The following CHCHD3 variants were observed in gnomAD, a reference collection of about 807,000 sequenced individuals.
The protein encoded by CHCHD3 is MICOS complex subunit MIC19.
Under a neutral mutation model 38.2 loss-of-function variants are expected in CHCHD3, and 20 were observed. That is an observed-to-expected ratio of 0.52 (90% CI 0.37 to 0.76). The LOEUF is 0.76. Among genes scored for constraint, CHCHD3 ranks in the 30% least tolerant of loss-of-function variants. The pLI is 0.00. For missense variants in CHCHD3, 245 were observed against 279.2 expected, an observed-to-expected ratio of 0.88 and a Z score of 0.87; for synonymous variants, 82 against 100.0, an observed-to-expected ratio of 0.82 and a Z score of 1.07.
chr7:132,793,409 T>G (rs1563236730), intron 7 of CHCHD3, among the ~76,000 whole-genome samples: 1 of 152,238 alleles, frequency 6.6e-6, no homozygotes, highest in East Asian at 1.9e-4. Flanking sequence ...TGGTAGCTTT[T>G]AAGTCTTAGA....
intron 5 of CHCHD3, among the ~76,000 whole-genome samples, chr7:132,873,438 G>A (rs556459211): frequency 2.0e-5 from 3 of 146,422 alleles, no homozygotes; most frequent in South Asian, 2.2e-4. Context: ...TTTTTGAGAC[G>A]GGTCTCGCTG....
intron 6 of CHCHD3, among the ~76,000 whole-genome samples, chr7:132,805,129 T>A (rs1439497923): frequency 1.3e-5 from 2 of 152,264 alleles, no homozygotes; most frequent in East Asian, 3.9e-4. Flanking sequence ...GAGTAAAGGA[T>A]GTGCAGGAAC....
At position 133,035,893 on chromosome 7, in the gene CHCHD3, G is replaced by A. The variant is rs1813660760; in HGVS notation, c.170-11266C>T. 1.2e-6 allele frequency: 2 copies of A among 1,611,328 alleles called. No homozygotes were observed. Among genetic ancestry groups the A allele is most frequent in the Admixed American group, 3.3e-5 (2 of 59,798 alleles). The stretch of plus-strand genomic sequence containing the variant: ...GCCTTGAAGGCCCTCCAGTTTTCAG[G>A]ATACGTGTACAGGGTCCCAGCCGCC... On this transcript the variant is annotated intron_variant, in intron 2 of 7. Transcript: ENST00000262570. This position sits in a 1 kb window ranked among gnomAD's most constrained non-coding sequence, Gnocchi z 4.7.
rs182101497 is a variant in CHCHD3 at position 133,059,204 on chromosome 7, T to C, written c.169+10938A>G. On this transcript the variant is annotated intron_variant, in intron 2 of 7. Transcript: ENST00000262570. Reference sequence around the variant, plus strand: ...ACGAGAAAAGCCACACAGGAGAAGATAGAGTGAAGAAAAGCTCCACTCTCA... The same window carrying C: ...ACGAGAAAAGCCACACAGGAGAAGACAGAGTGAAGAAAAGCTCCACTCTCA... Among the ~76,000 whole-genome samples, 33 of 152,228 alleles carry C rather than the reference T, an allele frequency of 2.2e-4. 2 individuals carry two copies. In the East Asian group the frequency reaches 6.0e-3, roughly 28 times the overall value.
chr7:132,834,693 C>A (rs766507744), intron 6 of CHCHD3, among the ~76,000 whole-genome samples: 6 of 152,242 alleles, frequency 3.9e-5, no homozygotes, highest in Admixed American at 1.3e-4. Context: ...TAGGACTGAG[C>A]CTGGGGGTTT....
chr7:132,872,057 C>T (rs917701112), intron 5 of CHCHD3, among the ~76,000 whole-genome samples: 3 of 152,088 alleles, frequency 2.0e-5, no homozygotes, highest in African/African-American at 4.8e-5. Flanking sequence ...AATCTGCCAT[C>T]GAGGAAGGTT....
intron 3 of CHCHD3, among the ~76,000 whole-genome samples, chr7:132,995,141 T>C (rs1461721230): frequency 6.6e-6 from 1 of 152,344 alleles, no homozygotes; most frequent in East Asian, 1.9e-4. Context: ...AGAGAAAAAA[T>C]GTGAAATTCA....
intron 4 of CHCHD3, among the ~76,000 whole-genome samples, chr7:132,950,105 C>G (rs1245054650): frequency 6.6e-6 from 1 of 152,030 alleles, no homozygotes; most frequent in African/African-American, 2.4e-5. Context: ...AACTATTATT[C>G]AAATAACTGT....
chr7:132,866,737 A>T (rs74555822), intron 5 of CHCHD3, among the ~76,000 whole-genome samples: 7,393 of 152,342 alleles, frequency 0.049, 234 homozygotes, highest in Non-Finnish European at 0.069. Flanking sequence ...CTAACAAAGT[A>T]CAGACCAAAA....
At chr7:132,806,601 G>A (rs1470312521) in intron 6 of CHCHD3, among the ~76,000 whole-genome samples, 1 of 152,108 alleles carries the variant, frequency 6.6e-6, no homozygotes, top group Non-Finnish European at 1.5e-5. Context: ...GGATACAAAG[G>A]CATTCTAGAC....
At chr7:132,930,451 G>T (rs902688246) in intron 4 of CHCHD3, among the ~76,000 whole-genome samples, 1 of 152,134 alleles carries the variant, frequency 6.6e-6, no homozygotes, top group Admixed American at 6.5e-5. Flanking sequence ...TTACAGGCGT[G>T]AGCCACTGCA....
intron 4 of CHCHD3, among the ~76,000 whole-genome samples, chr7:132,887,163 T>A (rs1454158396): frequency 6.6e-6 from 1 of 151,904 alleles, no homozygotes; most frequent in Non-Finnish European, 1.5e-5. Flanking sequence ...AATGTCACTA[T>A]GCTGTTACAG....
chr7:132,796,353 A>T, intron 7 of CHCHD3, 89 bp downstream of exon 7: 2 of 1,445,294 alleles, frequency 1.4e-6, no homozygotes, highest in Non-Finnish European at 1.9e-6. Context: ...TTTTTCACAC[A>T]CAGTGGCCCA....
At chr7:133,068,866 G>C (rs1814744102) in intron 2 of CHCHD3, among the ~76,000 whole-genome samples, 1 of 152,192 alleles carries the variant, frequency 6.6e-6, no homozygotes, top group Non-Finnish European at 1.5e-5. Flanking sequence ...TGAAAATAAA[G>C]GTTGATTTGG....
At chr7:133,072,552 A>C (rs1814854756) in intron 1 of CHCHD3, among the ~76,000 whole-genome samples, 1 of 152,104 alleles carries the variant, frequency 6.6e-6, no homozygotes, top group Admixed American at 6.5e-5. Flanking sequence ...TCAAGATCCC[A>C]CTCAAGGCCA....
chr7:133,079,741 A>G (rs1217915574), intron 1 of CHCHD3, among the ~76,000 whole-genome samples: 3 of 152,238 alleles, frequency 2.0e-5, no homozygotes, highest in Non-Finnish European at 4.4e-5. Flanking sequence ...AAACATCTAC[A>G]AAAGACCCAG....
At chr7:132,973,455 A>G in intron 4 of CHCHD3, 1 of 985,464 alleles carries the variant, frequency 1.0e-6, no homozygotes. Flanking sequence ...TTTTCAGTTG[A>G]GTTACTCAAA....
At chr7:132,964,722 T>C (rs1811413685) in intron 4 of CHCHD3, among the ~76,000 whole-genome samples, 1 of 152,236 alleles carries the variant, frequency 6.6e-6, no homozygotes, top group Non-Finnish European at 1.5e-5. Flanking sequence ...GCAAACTTTC[T>C]TTAAATAAGA....
At chr7:132,903,312 ATTCTT>A (rs1809715505) in intron 4 of CHCHD3, among the ~76,000 whole-genome samples, 1 of 151,588 alleles carries the variant, frequency 6.6e-6, no homozygotes, top group African/African-American at 2.4e-5. Context: ...TTTTATTTGT[ATTCTT>A]TTTAGTTGTT....
Sources: gnomAD v4.1 joint callset for allele counts (sites outside exome capture counted in the v4.1 genomes callset) on GRCh38, gnomAD v4.1.1 for gene constraint, Gnocchi (gnomAD v3.1) non-coding constraint, MANE v1.5 for transcripts, NCBI Gene and HGNC (gene_info 2026-07-23, HGNC 2026-07-21) for gene names.